Variants in ARID4B observed in about 807,000 individuals in gnomAD.
ARID4B encodes AT-rich interaction domain 4B, also known as AT-rich interactive domain-containing protein 4B.
Under a neutral mutation model 147.5 loss-of-function variants are expected in ARID4B, and 26 were observed. The observed-to-expected ratio is 0.18, with a 90% CI of 0.13 to 0.24. ARID4B has a LOEUF of 0.24. Among genes scored for constraint, ARID4B ranks in the 10% least tolerant of loss-of-function variants. The pLI is 1.00. For missense variants in ARID4B, 1,179 were observed against 1,511.5 expected (o/e 0.78, Z 3.65); for synonymous variants, 512 against 507.9 (o/e 1.01, Z -0.11).
At chr1:235,190,637 T>C (rs1469350981) in intron 19 of ARID4B, among the ~76,000 whole-genome samples, 6 of 152,140 alleles carry the variant, frequency 3.9e-5, no homozygotes, top group Non-Finnish European at 8.8e-5. Context: ...AGCCAAACTA[T>C]GAATAGAATA....
chr1:235,256,173 CA>C lies in ARID4B; in HGVS notation c.184-424del, dbSNP rs58486379. 2.6e-3 allele frequency among the ~76,000 whole-genome samples: 242 copies of C among 92,466 alleles called. 1 individual carries two copies. Among genetic ancestry groups the C allele is most frequent in the East Asian group, 9.0e-3 (27 of 3,004 alleles). 60.7% of individuals were successfully genotyped at this position (92,466 alleles called of 152,430 possible). The stretch of plus-strand genomic sequence containing the variant: ...TGGGTGACAGAGCAAGACTCTGCCT[CA>C]AAAAAAAAAAAAAAAAGTGCCAGCA... On this transcript the variant is annotated intron_variant, in intron 4 of 23. Coordinates refer to ENST00000264183, the MANE Select transcript of ARID4B (RefSeq NM_016374.6).
chr1:235,319,749 T>C (rs962478010), intron 2 of ARID4B, among the ~76,000 whole-genome samples: 6 of 151,944 alleles, frequency 3.9e-5, no homozygotes, highest in African/African-American at 1.2e-4. Context: ...GCTCACACTT[T>C]GGGAGGCCAA....
At position 235,232,304 on chromosome 1, in the gene ARID4B, C is replaced by T. The variant is rs1048160976; in HGVS notation, c.666-1115G>A. Among the ~76,000 whole-genome samples the T allele has an allele frequency of 1.8e-4, 28 of 151,866 alleles. 1 individual carries two copies. The highest frequency in any genetic ancestry group is 6.5e-4 in the African/African-American group (27 of 41,310). Reference sequence around the variant, plus strand: ...GTGTGGTGGTGCATGCCTGTAGTCCCAGCTACTCGAGAGGCTGAGGCAGGA... The same window carrying T: ...GTGTGGTGGTGCATGCCTGTAGTCCTAGCTACTCGAGAGGCTGAGGCAGGA... On this transcript the variant is annotated intron_variant, in intron 9 of 23. Coordinates refer to ENST00000264183, the MANE Select transcript of ARID4B (RefSeq NM_016374.6).
At chr1:235,173,418 T>G (rs1222663235) in intron 22 of ARID4B, among the ~76,000 whole-genome samples, 1 of 152,022 alleles carries the variant, frequency 6.6e-6, no homozygotes, top group Non-Finnish European at 1.5e-5. Flanking sequence ...TGTACACATT[T>G]TGTGAGTAAC....
intron 2 of ARID4B, among the ~76,000 whole-genome samples, chr1:235,314,753 T>TAG (rs1317128535): frequency 6.6e-6 from 1 of 152,122 alleles, no homozygotes; most frequent in Non-Finnish European, 1.5e-5. Flanking sequence ...ACAATATATA[T>TAG]AACATTTTAC....
intron 2 of ARID4B, among the ~76,000 whole-genome samples, chr1:235,322,203 T>C (rs1674890614): frequency 1.3e-5 from 2 of 151,978 alleles, no homozygotes. Flanking sequence ...TAATTTTGTA[T>C]TTTTAGTAGA....
In ARID4B at chr1:235,182,600, T is replaced by A. The variant is rs1664393696; in HGVS notation, c.2319A>T (p.Lys773Asn). Residue 773 changes from lysine to asparagine, a missense_variant, in exon 20 of 24, where the codon AAA becomes AAT. Physicochemically the swap from Lys to Asn is moderately conservative, Grantham distance 94 (BLOSUM62 0). Coordinates refer to ENST00000264183, the MANE Select transcript of ARID4B (RefSeq NM_016374.6). Reference sequence around the variant, plus strand: ...ATCTTTCTGGAGATTTTGACACTGGTTTGGATATTACCAAATCTGCATGAA... The same window carrying A: ...ATCTTTCTGGAGATTTTGACACTGGATTGGATATTACCAAATCTGCATGAA... ...NKVHADLVIS[K>N]PVSKSPERLR... The A allele has an allele frequency of 6.2e-7, 1 of 1,613,402 alleles. No individual in the cohort carries two copies. Among genetic ancestry groups the A allele is most frequent in the Non-Finnish European group, 8.5e-7 (1 of 1,179,902 alleles).
At chr1:235,255,966 G>A (rs1669957609) in intron 4 of ARID4B, among the ~76,000 whole-genome samples, 2 of 151,960 alleles carry the variant, frequency 1.3e-5, no homozygotes, top group African/African-American at 4.8e-5. Context: ...TTGAGGTCAG[G>A]AGTTCGAGAC....
At chr1:235,172,565 G>A in intron 23 of ARID4B, 53 bp downstream of exon 23, 1 of 1,313,206 alleles carries the variant, frequency 7.6e-7, no homozygotes, top group Non-Finnish European at 1.0e-6. Context: ...CGACAAGAGT[G>A]AAACTCTGTC....
At chr1:235,254,752 AAAG>A (rs1280947604) in intron 5 of ARID4B, among the ~76,000 whole-genome samples, 1 of 151,908 alleles carries the variant, frequency 6.6e-6, no homozygotes. Context: ...AGAAAAAGGG[AAAG>A]AATAAAAGAG....
intron 2 of ARID4B, among the ~76,000 whole-genome samples, chr1:235,307,118 G>C (rs1673628830): frequency 6.6e-6 from 1 of 152,134 alleles, no homozygotes; most frequent in African/African-American, 2.4e-5. Flanking sequence ...AAGGGGGAAT[G>C]GGATAGACAG....
At chr1:235,231,480 T>A (rs1668230954) in intron 9 of ARID4B, among the ~76,000 whole-genome samples, 1 of 150,932 alleles carries the variant, frequency 6.6e-6, no homozygotes, top group African/African-American at 2.5e-5. Flanking sequence ...TGAAAACTTT[T>A]TTTGTTTTGT....
chr1:235,246,535 T>A (rs767816871), intron 6 of ARID4B, 24 bp from the exon 7 acceptor site: 6 of 1,554,134 alleles, frequency 3.9e-6, no homozygotes, highest in Non-Finnish European at 5.3e-6. Context: ...CATAAACCCA[T>A]CAAAAAATTA....
chr1:235,263,079 T>C (rs1008476398), intron 2 of ARID4B, among the ~76,000 whole-genome samples: 2 of 152,208 alleles, frequency 1.3e-5, no homozygotes, highest in African/African-American at 4.8e-5. Context: ...GCAGTCTTCA[T>C]GACCACAGGC....
intron 6 of ARID4B, among the ~76,000 whole-genome samples, chr1:235,248,990 T>C (rs903717735): frequency 2.0e-5 from 3 of 152,226 alleles, no homozygotes; most frequent in Non-Finnish European, 4.4e-5. Context: ...GGATTTTACC[T>C]AAACTTCTCT....
At chr1:235,173,761 AAAAAAAAAAAATATAT>A (rs1393873969) in intron 22 of ARID4B, among the ~76,000 whole-genome samples, 64 of 51,906 alleles carry the variant, frequency 1.2e-3, no homozygotes, top group Non-Finnish European at 1.8e-3. Context: ...AAAAAAAAAA[AAAAAAAAAAAATATAT>A]ATATATATAT....
At chr1:235,176,963 A>G in intron 21 of ARID4B, 1 of 471,160 alleles carries the variant, frequency 2.1e-6, no homozygotes. Flanking sequence ...AGAGAGATAA[A>G]ATGTGCAGCC....
chr1:235,202,803 G>A (rs1666038982), intron 17 of ARID4B, among the ~76,000 whole-genome samples: 1 of 152,080 alleles, frequency 6.6e-6, no homozygotes, highest in South Asian at 2.1e-4. Flanking sequence ...GCCTGCCTCA[G>A]CCTCCTGAAG....
intron 22 of ARID4B, among the ~76,000 whole-genome samples, chr1:235,173,759 AAAAAAAAAAAAAATATAT>A (rs1663564889): frequency 9.8e-5 from 5 of 50,850 alleles, no homozygotes; most frequent in African/African-American, 5.6e-4. Context: ...AAAAAAAAAA[AAAAAAAAAAAAAATATAT>A]ATATATATAT....
Sources: gnomAD v4.1 joint callset for allele counts (sites outside exome capture counted in the v4.1 genomes callset) on GRCh38, gnomAD v4.1.1 for gene constraint, MANE v1.5 for transcripts, NCBI Gene and HGNC (gene_info 2026-07-23, HGNC 2026-07-21) for gene names.